Variants in PSTPIP1 observed in about 807,000 individuals in gnomAD.
PSTPIP1 encodes the protein proline-serine-threonine phosphatase-interacting protein 1.
In PSTPIP1, 66 loss-of-function variants were observed where a neutral mutation model predicts 69.6. That is an observed-to-expected ratio of 0.95 (90% CI 0.78 to 1.16). The LOEUF is 1.16. Ranked by LOEUF, PSTPIP1 falls within the 50% of genes most tolerant of loss-of-function variation. PSTPIP1 has a pLI of 0.00. For missense variants in PSTPIP1, 603 were observed against 557.4 expected (o/e 1.08, Z -0.82); for synonymous variants, 266 against 222.7 (o/e 1.19, Z -1.73).
chr15:77,034,405 G>C (rs12438566), intron 12 of PSTPIP1, among the ~76,000 whole-genome samples: 1 of 151,982 alleles, frequency 6.6e-6, no homozygotes, highest in East Asian at 1.9e-4. Flanking sequence ...GCATGTGTGT[G>C]CACTCCTGGG....
intron 3 of PSTPIP1, chr15:77,023,731 C>T (rs1446601559): frequency 6.6e-6 from 1 of 152,200 alleles, no homozygotes; most frequent in Admixed American, 6.6e-5. Context: ...GCCCTGAGCT[C>T]TGGGAGGGGT....
chr15:77,026,929 G>C (rs2076292657), intron 5 of PSTPIP1, among the ~76,000 whole-genome samples: 1 of 152,266 alleles, frequency 6.6e-6, no homozygotes, highest in African/African-American at 2.4e-5. Context: ...TTCTCCAAGT[G>C]GCCAGGGCCC....
At chr15:77,002,258 C>G (rs2075724629) in intron 1 of PSTPIP1, among the ~76,000 whole-genome samples, 1 of 152,192 alleles carries the variant, frequency 6.6e-6, no homozygotes, top group Non-Finnish European at 1.5e-5. Context: ...CTAGGTCTGT[C>G]GAACTCTATT....
At chr15:77,006,900 T>C (rs2075825605) in intron 1 of PSTPIP1, among the ~76,000 whole-genome samples, 1 of 152,246 alleles carries the variant, frequency 6.6e-6, no homozygotes, top group South Asian at 2.1e-4. Flanking sequence ...CTTATTCTTC[T>C]TTTTCAAGAT....
intron 1 of PSTPIP1, among the ~76,000 whole-genome samples, chr15:77,007,319 G>A (rs2075833627): frequency 6.6e-6 from 1 of 152,166 alleles, no homozygotes; most frequent in Admixed American, 6.5e-5. Context: ...ATAAAAATCA[G>A]ACTTCTGGCC....
intron 12 of PSTPIP1, among the ~76,000 whole-genome samples, chr15:77,033,765 G>C (rs539263059): frequency 4.6e-5 from 7 of 152,136 alleles, no homozygotes; most frequent in African/African-American, 1.7e-4. Flanking sequence ...GGAGCCCCTG[G>C]AACTTCCTAC....
intron 1 of PSTPIP1, among the ~76,000 whole-genome samples, chr15:76,997,686 CT>C (rs1031251346): frequency 3.3e-5 from 5 of 152,196 alleles, no homozygotes; most frequent in African/African-American, 4.8e-5. Context: ...ATCACTGGAT[CT>C]TTTGGCTTCG....
intron 1 of PSTPIP1, chr15:77,016,073 G>A (rs945611929): frequency 4.6e-5 from 21 of 456,128 alleles, no homozygotes; most frequent in Non-Finnish European, 8.4e-5. Context: ...CGTCAGGGCT[G>A]GGTGTGGGGC....
chr15:77,032,836 T>C, intron 11 of PSTPIP1, 26 bp from the exon 12 acceptor site: 1 of 1,548,440 alleles, frequency 6.5e-7, no homozygotes, highest in Non-Finnish European at 8.7e-7. Context: ...GGGGCCGCCC[T>C]GGGGCTCACG....
At position 76,997,028 on chromosome 15, in the gene PSTPIP1, C is replaced by T. The variant is rs1049008916; in HGVS notation, c.36+1419C>T. 2.6e-5 allele frequency among the ~76,000 whole-genome samples: 4 copies of T among 152,236 alleles called. 1 individual carries two copies. The East Asian group carries it at 5.8e-4, about 22-fold the overall frequency. On this transcript the variant is annotated intron_variant, in intron 1 of 14. Transcript: ENST00000558012. Reference sequence around the variant, plus strand: ...AGACCTCTGTCCAGTCCTAGAGCCCCTGGGCCTGCCTTCCCTAGGGCAGAG... The same window carrying T: ...AGACCTCTGTCCAGTCCTAGAGCCCTTGGGCCTGCCTTCCCTAGGGCAGAG...
intron 1 of PSTPIP1, chr15:77,015,842 G>C (rs1307317344): frequency 2.2e-6 from 1 of 445,914 alleles, no homozygotes; most frequent in Admixed American, 2.4e-5. Flanking sequence ...CCTTGTGACA[G>C]TAGCTCACTC....
In PSTPIP1 at chr15:77,032,324, G is replaced by T. The variant is rs2152689079; in HGVS notation, c.768G>T (p.Leu256=). 1.2e-6 allele frequency: 2 copies of T among 1,612,598 alleles called. No homozygotes were observed. Among genetic ancestry groups the T allele is most frequent in the Non-Finnish European group, 1.7e-6 (2 of 1,179,744 alleles). The part of the protein sequence containing the change: ...DELYEEVRLT[L]EGCSIDADID... ...TCTACGAGGAAGTGCGGCTGACGCT[G>T]GAAGGCTGCAGCATAGACGCCGACA... is the stretch of plus-strand genomic sequence containing the variant. Residue 256 remains leucine (L), a synonymous_variant, in exon 11 of 15, where the codon CTG becomes CTT. Transcript: ENST00000558012.
chr15:77,018,444 CT>C lies in PSTPIP1; in HGVS notation c.138-5del, dbSNP rs755268431. On this transcript the variant is annotated splice_polypyrimidine_tract_variant and intron_variant, in intron 2 of 14. Transcript: ENST00000558012. The stretch of plus-strand genomic sequence containing the variant: ...AGTCACTGATGATCTTTCAAATGCC[CT>C]TTTTTTTGCAGGGCCCAGGCGGAGG... The C allele has an allele frequency of 2.2e-5, 34 of 1,566,632 alleles. No homozygotes were observed. The highest frequency in any genetic ancestry group is 3.8e-5 in the Admixed American group (2 of 52,804).
chr15:77,020,248 A>G (rs145048662), intron 3 of PSTPIP1, among the ~76,000 whole-genome samples: 5 of 152,090 alleles, frequency 3.3e-5, no homozygotes, highest in African/African-American at 1.2e-4. Context: ...TGATTGCGCC[A>G]TGGTTATTCA....
At chr15:77,035,241 C>T (rs2076529769) in intron 12 of PSTPIP1, among the ~76,000 whole-genome samples, 2 of 152,190 alleles carry the variant, frequency 1.3e-5, no homozygotes, top group Admixed American at 6.5e-5. Flanking sequence ...CCCAAGGGCC[C>T]TGCAGGGAGC....
intron 5 of PSTPIP1, chr15:77,026,196 T>A (rs147382403): frequency 8.7e-4 from 396 of 455,886 alleles, no homozygotes; most frequent in Non-Finnish European, 1.6e-3. Context: ...GGCTGGCAGA[T>A]GCTTGTCAGG....
In PSTPIP1 at chr15:77,027,224, C is replaced by T. The variant is rs144960304; in HGVS notation, c.355-628C>T. ...GCTCAGTTCTCCTCCTACCTCATAA[C>T]CCAGTCGCTGTCCTGGCTGTTTTGC... On this transcript the variant is annotated intron_variant, in intron 5 of 14. Transcript: ENST00000558012. The surrounding 1 kb of genome is among the most constrained non-coding windows in gnomAD (Gnocchi z 4.3). Among the ~76,000 whole-genome samples the T allele has an allele frequency of 1.3e-5, 2 of 152,332 alleles. No homozygotes were observed. The highest frequency in any genetic ancestry group is 2.9e-5 in the Non-Finnish European group (2 of 68,036).
chr15:77,020,868 TG>T (rs201125747), intron 3 of PSTPIP1, among the ~76,000 whole-genome samples: 26,879 of 115,020 alleles, frequency 0.23, 2,448 homozygotes, highest in Middle Eastern at 0.28. Context: ...TAGACTCCTG[TG>T]GGGGGGGGGG....
rs1459747964 is a variant in PSTPIP1, at chr15:77,028,597, C to T, written c.461C>T (p.Ala154Val). ...YEQKCRDADD[A>V]EQAFERISAN... is the part of the protein sequence containing the mutation. ...CAGAAGTGCCGGGACGCGGACGACG[C>T]GGAGCAGGCCTTCGAGCGCATTAGC... Residue 154 changes from alanine (A) to valine (V), a missense_variant, in exon 7 of 15, where the codon GCG becomes GTG. Transcript: ENST00000558012. 2 of 1,602,834 alleles carry T rather than the reference C, an allele frequency of 1.2e-6. No individual in the cohort carries two copies. Among genetic ancestry groups the T allele is most frequent in the Admixed American group, 3.4e-5 (2 of 58,458 alleles).
Sources: allele counts gnomAD v4.1 joint callset (sites outside exome capture counted in the v4.1 genomes callset), GRCh38; gene constraint gnomAD v4.1.1; non-coding constraint Gnocchi (gnomAD v3.1); transcripts MANE v1.5; gene names NCBI Gene and HGNC (gene_info 2026-07-23, HGNC 2026-07-21).